Variants in BTAF1 observed in about 807,000 individuals in gnomAD.
BTAF1 encodes B-TFIID TATA-box binding protein associated factor 1, also known as TATA-binding protein-associated factor 172.
Under a neutral mutation model 227.1 loss-of-function variants are expected in BTAF1, and 38 were observed. That is an observed-to-expected ratio of 0.17 (90% CI 0.13 to 0.22). The LOEUF (loss-of-function observed/expected upper bound fraction) is 0.22. BTAF1 is among the 10% of genes least tolerant of loss of function. BTAF1 has a pLI of 1.00. For synonymous variants in BTAF1, 742 were observed against 751.9 expected (o/e 0.99, Z 0.21); for missense variants, 1,598 against 2,204.0 (o/e 0.73, Z 5.51).
At chr10:91,966,220 A>G (rs1846901531) in intron 13 of BTAF1, among the ~76,000 whole-genome samples, 2 of 152,214 alleles carry the variant, frequency 1.3e-5, no homozygotes, top group South Asian at 4.1e-4. Flanking sequence ...GATGGAAATT[A>G]TGTGTATCTA....
intron 3 of BTAF1, among the ~76,000 whole-genome samples, chr10:91,941,239 G>A (rs1031545369): frequency 1.1e-4 from 16 of 152,076 alleles, no homozygotes; most frequent in African/African-American, 2.7e-4. Flanking sequence ...ACTTAGTTCC[G>A]TTTTTAAAAG....
At chr10:92,010,459 T>C (rs912371574) in intron 28 of BTAF1, among the ~76,000 whole-genome samples, 5 of 152,220 alleles carry the variant, frequency 3.3e-5, no homozygotes, top group African/African-American at 1.2e-4. Context: ...TTCAGGCCCA[T>C]CTAGATTACT....
chr10:91,969,110 A>T (rs1368824949), intron 14 of BTAF1, among the ~76,000 whole-genome samples: 1 of 143,102 alleles, frequency 7.0e-6, no homozygotes, highest in Non-Finnish European at 1.5e-5. Flanking sequence ...TGCCTATTTT[A>T]ATATTGGGTT....
chr10:91,938,278 C>T (rs886551825), intron 2 of BTAF1, among the ~76,000 whole-genome samples: 3 of 152,120 alleles, frequency 2.0e-5, no homozygotes, highest in African/African-American at 7.2e-5. Context: ...TATGAGCTGT[C>T]TTTTTACTTT....
chr10:91,938,888 T>C (rs1844806862), intron 2 of BTAF1, among the ~76,000 whole-genome samples: 1 of 151,394 alleles, frequency 6.6e-6, no homozygotes, highest in Non-Finnish European at 1.5e-5. Flanking sequence ...AGTGTGAGTC[T>C]ACTAAATTTT....
At position 91,959,770 on chromosome 10, in the gene BTAF1, ATT is replaced by A. The variant is rs1846376166; in HGVS notation, c.991-14_991-13del. On this transcript the variant is annotated splice_polypyrimidine_tract_variant and intron_variant, in intron 9 of 37. Transcript: ENST00000265990. ...TATATATATATATATATATATATATATTATATTTTAACAGATGATTCAGCAGC... is the reference window on the plus strand; with the variant it reads ...TATATATATATATATATATATATATAATATTTTAACAGATGATTCAGCAGC... 8.5e-6 allele frequency: 7 copies of A among 828,204 alleles called. No homozygotes were observed. The highest frequency in any genetic ancestry group is 2.1e-5 in the African/African-American group (1 of 48,356). The allele number at this position is 828,204 out of a possible 1,614,324, so 51.3% of individuals were successfully genotyped here. A position where few individuals can be genotyped will look rare whatever the true frequency, so the allele number is the denominator to read the frequency against.
intron 34 of BTAF1, among the ~76,000 whole-genome samples, chr10:92,023,649 A>C (rs538550289): frequency 6.6e-6 from 1 of 152,008 alleles, no homozygotes; most frequent in East Asian, 1.9e-4. Flanking sequence ...ACGCCACTGC[A>C]CTCCAGCCTG....
intron 14 of BTAF1, among the ~76,000 whole-genome samples, chr10:91,970,081 A>AG (rs1184595944): frequency 4.2e-5 from 2 of 47,788 alleles, no homozygotes; most frequent in Non-Finnish European, 8.5e-5. Context: ...TTTCTTGTCC[A>AG]GGGATTTTTT....
intron 4 of BTAF1, among the ~76,000 whole-genome samples, chr10:91,950,146 T>G: frequency 1.3e-4 from 2 of 15,280 alleles, no homozygotes; most frequent in Non-Finnish European, 2.2e-3. Context: ...CCTTGTCCTT[T>G]GTGGGGGGGG....
intron 1 of BTAF1, among the ~76,000 whole-genome samples, chr10:91,927,731 A>G (rs1843953615): frequency 1.3e-5 from 2 of 152,220 alleles, no homozygotes; most frequent in South Asian, 4.1e-4. Context: ...AACAATTATT[A>G]TTTAAATTAT....
Position 91,992,121 on chromosome 10 carries a change from T to A in BTAF1, c.2857T>A (p.Ser953Thr), listed in dbSNP as rs771585054. Residue 953 changes from serine (S) to threonine (T), a missense_variant and splice_region_variant, in exon 21 of 38, where the codon TCC becomes ACC. Physicochemically the swap from Ser to Thr is moderately conservative, Grantham distance 58. This residue lies in a region of BTAF1 where 425 missense variants were observed against 491.2 expected (regional missense o/e 0.87). Coordinates refer to ENST00000265990, the MANE Select transcript of BTAF1 (RefSeq NM_003972.3). ...TTGTTTAACTTTTTTCTTATTAGGA[T>A]CCACCTCAGAAAAAGATGGAATGCA... The part of the protein sequence containing the change: ...TQSGQENSKG[S>T]TSEKDGMHHT... 2.0e-5 allele frequency: 32 copies of A among 1,563,274 alleles called. No homozygotes were observed. The East Asian group carries it at 7.0e-4, about 34-fold the overall frequency.
intron 14 of BTAF1, among the ~76,000 whole-genome samples, chr10:91,978,825 T>TG (rs1408750744): frequency 4.0e-5 from 6 of 150,336 alleles, no homozygotes; most frequent in Admixed American, 1.3e-4. Flanking sequence ...TTTTTTTTTT[T>TG]TTTTTTTTTT....
At chr10:91,959,219 G>A in intron 9 of BTAF1, 65 bp downstream of exon 9, 1 of 1,609,162 alleles carries the variant, frequency 6.2e-7, no homozygotes, top group Non-Finnish European at 8.5e-7. Flanking sequence ...CCAATGTAGG[G>A]AAGTAACGAG....
intron 13 of BTAF1, among the ~76,000 whole-genome samples, chr10:91,965,920 T>C (rs1224038384): frequency 6.6e-6 from 1 of 152,178 alleles, no homozygotes; most frequent in Non-Finnish European, 1.5e-5. Context: ...GCATATTATT[T>C]TTTGCTTATG....
At chr10:92,007,340 G>T (rs1414805806) in intron 25 of BTAF1, among the ~76,000 whole-genome samples, 1 of 150,950 alleles carries the variant, frequency 6.6e-6, no homozygotes, top group Non-Finnish European at 1.5e-5. Flanking sequence ...TGCCAGCGTG[G>T]GGTAGCTAGG....
At chr10:91,940,694 T>C (rs1844930206) in intron 3 of BTAF1, among the ~76,000 whole-genome samples, 1 of 152,070 alleles carries the variant, frequency 6.6e-6, no homozygotes, top group South Asian at 2.1e-4. Context: ...TATTTTATTT[T>C]ATTTTTTCGA....
rs58443276 is a variant in BTAF1, at chr10:91,942,298, T to TTGTGTGTG, written c.254-98_254-91dup. 28,871 of 543,078 alleles carry TTGTGTGTG rather than the reference T, an allele frequency of 0.053. 652 individuals carry two copies. The highest frequency in any genetic ancestry group is 0.13 in the Admixed American group (3,808 of 29,160). 33.6% of individuals were successfully genotyped at this position (543,078 alleles called of 1,614,324 possible). A position where few individuals can be genotyped will look rare whatever the true frequency, so the allele number is the denominator to read the frequency against. On this transcript the variant is annotated intron_variant, in intron 3 of 37. Coordinates refer to ENST00000265990, the MANE Select transcript of BTAF1 (RefSeq NM_003972.3). ...GACCTCACTTCTTAAAAAAAAAAGT[T>TTGTGTGTG]TGTGTGTGTGTGTGTGTGTGTGTGT...
At chr10:92,007,426 A>G (rs1328881721) in intron 25 of BTAF1, among the ~76,000 whole-genome samples, 1 of 152,032 alleles carries the variant, frequency 6.6e-6, no homozygotes, top group African/African-American at 2.4e-5. Flanking sequence ...CATGTTGGCC[A>G]GGCTGGTCTT....
chr10:92,013,936 A>G lies in BTAF1; in HGVS notation c.4491A>G (p.Leu1497=), dbSNP rs747711087. 2 of 1,613,934 alleles carry G rather than the reference A, an allele frequency of 1.2e-6. No homozygotes were observed. Among genetic ancestry groups the G allele is most frequent in the African/African-American group, 1.3e-5 (1 of 75,050 alleles). The part of the protein sequence containing the change: ...LAMDALHRQV[L]PFLLRRMKED... The stretch of plus-strand genomic sequence containing the variant: ...TGGATGCGCTGCACCGCCAAGTACT[A>G]CCGTTTCTTTTGAGAAGAATGAAAG... The change falls in exon 32 of 38, where the codon CTA becomes CTG. Residue 1497 remains leucine (L), a synonymous_variant. Coordinates refer to ENST00000265990, the MANE Select transcript of BTAF1 (RefSeq NM_003972.3).
Sources: allele counts gnomAD v4.1 joint callset (sites outside exome capture counted in the v4.1 genomes callset), GRCh38; gene constraint gnomAD v4.1.1; regional missense constraint gnomAD v4.1.1; transcripts MANE v1.5; gene names NCBI Gene and HGNC (gene_info 2026-07-23, HGNC 2026-07-21).